ACSBG2: variants seen among roughly 807,000 people sequenced by gnomAD.
The protein encoded by ACSBG2 is long-chain-fatty-acid--CoA ligase ACSBG2.
Under a neutral mutation model 74.7 loss-of-function variants are expected in ACSBG2, and 62 were observed. The ratio of observed to expected loss-of-function variants is 0.83; its 90% CI spans 0.68 to 1.03. ACSBG2 has a LOEUF of 1.03. Ranked by LOEUF, ACSBG2 falls within the 50% of genes least tolerant of loss-of-function variation. The pLI is 0.00. For missense variants in ACSBG2, 730 were observed against 817.6 expected (o/e 0.89, Z 1.31); for synonymous variants, 309 against 294.1 (o/e 1.05, Z -0.52).
chr19:6,183,307 A>G, intron 10 of ACSBG2, 35 bp downstream of exon 10: 5 of 1,588,250 alleles, frequency 3.1e-6, no homozygotes, highest in Non-Finnish European at 4.3e-6. Context: ...TGCTCCTCCC[A>G]TAACATGGGG....
intron 8 of ACSBG2, among the ~76,000 whole-genome samples, chr19:6,181,356 G>A (rs1468971179): frequency 8.5e-5 from 12 of 141,344 alleles, no homozygotes; most frequent in African/African-American, 3.1e-4. Context: ...AAGGAAGAAA[G>A]AAAAAGAAAG....
intron 13 of ACSBG2, among the ~76,000 whole-genome samples, chr19:6,189,546 T>C (rs955421220): frequency 1.3e-5 from 2 of 152,078 alleles, no homozygotes; most frequent in Non-Finnish European, 2.9e-5. Flanking sequence ...TTGTTTGTTT[T>C]GAGACAGAGT....
intron 7 of ACSBG2, among the ~76,000 whole-genome samples, chr19:6,176,615 G>A (rs1211374424): frequency 2.0e-5 from 3 of 151,646 alleles, no homozygotes; most frequent in Non-Finnish European, 4.4e-5. Flanking sequence ...AGGTAAGATC[G>A]AATAAGGACC....
Position 6,183,082 on chromosome 19 carries a change from G to A in ACSBG2, c.1132G>A (p.Val378Met), listed in dbSNP as rs2090306730. ...GAGCTACCGCATGGCTAAGACTCTC[G>A]TGTTCAGCAAAGTCAAGACATCCCT... ...PVSYRMAKTL[V>M]FSKVKTSLGL... Residue 378 changes from valine to methionine, a missense_variant, in exon 10 of 15, where the codon GTG becomes ATG. Transcript: ENST00000588485. The A allele has an allele frequency of 3.7e-6, 6 of 1,614,024 alleles. No homozygotes were observed. The highest frequency in any genetic ancestry group is 2.2e-5 in the East Asian group (1 of 44,902).
rs1222863322 is a variant in ACSBG2, at chr19:6,151,758, G to T, written c.349G>T (p.Glu117Ter). ...TGGTATCCTGGGGTTTAACTCTGCA[G>T]AGTGGTTTATCACTGCTGTTGGTGC... ...GVGILGFNSAEWFITAVGAIL... is the reference protein window; with the variant it reads ...GVGILGFNSA Residue 117 changes from glutamate to a stop codon, truncating the protein, a stop_gained, in exon 4 of 15, where the codon GAG becomes TAG. Coordinates refer to ENST00000588485, the MANE Select transcript of ACSBG2 (RefSeq NM_030924.5). LOFTEE classifies it high-confidence loss of function. The T allele has an allele frequency of 6.2e-7, 1 of 1,603,206 alleles. No homozygotes were observed.
Position 6,151,762 on chromosome 19 carries a change from G to A in ACSBG2, c.353G>A (p.Trp118Ter), listed in dbSNP as rs754988826. Reference protein sequence around the residue: ...VGILGFNSAEWFITAVGAILA... With the variant: ...VGILGFNSAE ...ATCCTGGGGTTTAACTCTGCAGAGTGGTTTATCACTGCTGTTGGTGCCATC... is the reference window on the plus strand; with the variant it reads ...ATCCTGGGGTTTAACTCTGCAGAGTAGTTTATCACTGCTGTTGGTGCCATC... Residue 118 changes from tryptophan to a stop codon, truncating the protein, a stop_gained, in exon 4 of 15, where the codon TGG becomes TAG. Transcript: ENST00000588485. LOFTEE classifies it high-confidence loss of function. 4 of 1,602,662 alleles carry A rather than the reference G, an allele frequency of 2.5e-6. No individual in the cohort carries two copies. In the East Asian group the frequency reaches 8.9e-5, roughly 36 times the overall value.
At chr19:6,181,822 C>G (rs989158475) in intron 8 of ACSBG2, among the ~76,000 whole-genome samples, 3 of 125,852 alleles carry the variant, frequency 2.4e-5, no homozygotes, top group East Asian at 5.5e-4. Flanking sequence ...CGCCCCCCCC[C>G]CCAACGAAAT....
At chr19:6,147,726 G>GT in intron 3 of ACSBG2, 51 bp downstream of exon 3, 1 of 1,563,320 alleles carries the variant, frequency 6.4e-7, no homozygotes, top group Admixed American at 1.7e-5. Flanking sequence ...TTCTGAATAG[G>GT]TAACAGACAT....
At chr19:6,166,058 T>A (rs762621459) in intron 7 of ACSBG2, 43 bp downstream of exon 7, 2 of 1,608,896 alleles carry the variant, frequency 1.2e-6, no homozygotes, top group South Asian at 2.2e-5. Context: ...GCCTTTGGGC[T>A]GTTTCTCTTG....
At chr19:6,190,329 GCA>G (rs1450028086) in intron 13 of ACSBG2, 2 of 443,324 alleles carry the variant, frequency 4.5e-6, no homozygotes, top group East Asian at 4.3e-5. Flanking sequence ...TCCATTGGGT[GCA>G]CAGTCCACAT....
At chr19:6,164,434 CTTT>C (rs542313082) in intron 6 of ACSBG2, among the ~76,000 whole-genome samples, 1 of 133,840 alleles carries the variant, frequency 7.5e-6, no homozygotes, top group Non-Finnish European at 1.6e-5. Flanking sequence ...TTTGAGGGGC[CTTT>C]TTTTTTTTTT....
At chr19:6,153,584 T>C (rs1560696) in intron 4 of ACSBG2, among the ~76,000 whole-genome samples, 104,381 of 151,940 alleles carry the variant, frequency 0.69, 36,148 homozygotes, top group Admixed American at 0.74. Flanking sequence ...GCCTGTAATC[T>C]CAGCACTTTG....
chr19:6,162,566 CAA>C lies in ACSBG2; in HGVS notation c.588+1292_588+1293del, dbSNP rs58138677. The stretch of plus-strand genomic sequence containing the variant: ...TGGGCAACAGAGCAAGACTCCGTCT[CAA>C]AAAAAAAAAAAAAAAAAAAATTACA... On this transcript the variant is annotated intron_variant, in intron 6 of 14. Coordinates refer to ENST00000588485, the MANE Select transcript of ACSBG2 (RefSeq NM_030924.5). Among the ~76,000 whole-genome samples the C allele has an allele frequency of 6.7e-3, 561 of 84,190 alleles. 2 individuals carry two copies. Among genetic ancestry groups the C allele is most frequent in the African/African-American group, 0.015 (355 of 23,494 alleles). 55.2% of individuals were successfully genotyped at this position (84,190 alleles called of 152,430 possible).
chr19:6,188,358 T>C (rs1201852810), intron 13 of ACSBG2, among the ~76,000 whole-genome samples: 1 of 152,160 alleles, frequency 6.6e-6, no homozygotes. Context: ...AGTTTAATTA[T>C]GGCCAGGCAC....
In ACSBG2 at chr19:6,190,637, A is replaced by G; in HGVS notation, c.1981A>G (p.Ile661Val). ...TGTAGCCCAGAAATACAAAAAACAA[A>G]TTGATCACATGTACCACTGACTGCT... ...HFVAQKYKKQ[I>V]DHMYH Residue 661 changes from isoleucine (I) to valine (V), a missense_variant, in exon 14 of 15, where the codon ATT (isoleucine) becomes GTT (valine). By Grantham distance (29) the Ile-to-Val change is conservative. Coordinates refer to ENST00000588485, the MANE Select transcript of ACSBG2 (RefSeq NM_030924.5). 1 of 1,614,060 alleles carries G rather than the reference A, an allele frequency of 6.2e-7. No individual in the cohort carries two copies. Among genetic ancestry groups the G allele is most frequent in the South Asian group, 1.1e-5 (1 of 91,086 alleles).
chr19:6,186,972 CAGGT>C (rs1328145773), intron 11 of ACSBG2, among the ~76,000 whole-genome samples: 1 of 150,432 alleles, frequency 6.6e-6, no homozygotes, highest in African/African-American at 2.5e-5. Flanking sequence ...GGCAGGATTA[CAGGT>C]GTGAGCCACT....
chr19:6,174,778 A>T lies in ACSBG2; in HGVS notation c.739-2451A>T, dbSNP rs2090050774. On this transcript the variant is annotated intron_variant, in intron 7 of 14. Coordinates refer to ENST00000588485, the MANE Select transcript of ACSBG2 (RefSeq NM_030924.5). The surrounding 1 kb of genome is among the most constrained non-coding windows in gnomAD (Gnocchi z 4.2). ...CAGTGAGCTATGATGCTGCCACTGCACTCCAGCCTGGGTGACAGAGTGAGG... is the reference window on the plus strand; with the variant it reads ...CAGTGAGCTATGATGCTGCCACTGCTCTCCAGCCTGGGTGACAGAGTGAGG... 1.3e-5 allele frequency among the ~76,000 whole-genome samples: 2 copies of T among 152,128 alleles called. No homozygotes were observed. The highest frequency in any genetic ancestry group is 4.1e-4 in the South Asian group (2 of 4,832).
Position 6,177,263 on chromosome 19 carries a change from T to G in ACSBG2, c.773T>G (p.Phe258Cys). The G allele has an allele frequency of 1.9e-6, 3 of 1,614,042 alleles. No homozygotes were observed. Among genetic ancestry groups the G allele is most frequent in the Non-Finnish European group, 2.5e-6 (3 of 1,179,996 alleles). Residue 258 changes from phenylalanine to cysteine, a missense_variant, in exon 8 of 15, where the codon TTT becomes TGT. Phe to Cys is a radical substitution (Grantham distance 205). Transcript: ENST00000588485. ...TWIAGAVTKD[F>C]KLTDKHETVV... ...ATTGCAGGAGCAGTGACAAAGGACTTTAAACTGACAGACAAGCATGAGACG... is the reference window on the plus strand; with the variant it reads ...ATTGCAGGAGCAGTGACAAAGGACTGTAAACTGACAGACAAGCATGAGACG...
intron 13 of ACSBG2, among the ~76,000 whole-genome samples, chr19:6,189,108 T>C (rs544933856): frequency 6.6e-6 from 1 of 152,206 alleles, no homozygotes; most frequent in East Asian, 1.9e-4. Flanking sequence ...GCTGTAAGTG[T>C]GGCTGATTTT....
Sources: allele counts gnomAD v4.1 joint callset (sites outside exome capture counted in the v4.1 genomes callset), GRCh38; gene constraint gnomAD v4.1.1; non-coding constraint Gnocchi (gnomAD v3.1); transcripts MANE v1.5; gene names NCBI Gene and HGNC (gene_info 2026-07-23, HGNC 2026-07-21).